The following ADCY2 variants were observed in gnomAD, a reference collection of about 807,000 sequenced individuals.
ADCY2 encodes adenylate cyclase type 2.
In ADCY2, 31 loss-of-function variants were observed where a neutral mutation model predicts 125.2. That is an observed-to-expected ratio of 0.25 (90% CI 0.19 to 0.33). ADCY2 has a LOEUF of 0.33. Ranked by LOEUF, ADCY2 falls within the 10% of genes least tolerant of loss-of-function variation. ADCY2 has a pLI of 1.00. For synonymous variants in ADCY2, 512 were observed against 548.4 expected (o/e 0.93, Z 0.93); for missense variants, 904 against 1,418.2 (o/e 0.64, Z 5.82).
intron 1 of ADCY2, among the ~76,000 whole-genome samples, chr5:7,405,054 A>G (rs1481240190): frequency 6.6e-6 from 1 of 152,178 alleles, no homozygotes; most frequent in Non-Finnish European, 1.5e-5. Flanking sequence ...GAATTCTGCC[A>G]TACTGTATTG....
At chr5:7,523,484 C>T (rs1287256541) in intron 3 of ADCY2, among the ~76,000 whole-genome samples, 1 of 152,110 alleles carries the variant, frequency 6.6e-6, no homozygotes, top group African/African-American at 2.4e-5. Flanking sequence ...TATAAAGGAA[C>T]AACACCCAAA....
At chr5:7,782,591 T>C (rs1480651449) in intron 18 of ADCY2, among the ~76,000 whole-genome samples, 2 of 152,190 alleles carry the variant, frequency 1.3e-5, no homozygotes, top group African/African-American at 2.4e-5. Flanking sequence ...ATGAGGGTGG[T>C]GGGTAGAAGA....
chr5:7,657,574 A>G (rs1739381549), intron 4 of ADCY2, among the ~76,000 whole-genome samples: 1 of 152,204 alleles, frequency 6.6e-6, no homozygotes, highest in Non-Finnish European at 1.5e-5. Context: ...TGCCATGCAC[A>G]CATGTGTACA....
intron 2 of ADCY2, among the ~76,000 whole-genome samples, chr5:7,429,147 G>C (rs1336898553): frequency 6.6e-6 from 1 of 152,124 alleles, no homozygotes; most frequent in Admixed American, 6.5e-5. Context: ...GAAAGAGCAG[G>C]TGAAATAATT....
chr5:7,487,259 T>G (rs1226473707), intron 2 of ADCY2, among the ~76,000 whole-genome samples: 1 of 152,168 alleles, frequency 6.6e-6, no homozygotes, highest in African/African-American at 2.4e-5. Flanking sequence ...TCCCAGTGCC[T>G]GCTTGTCATG....
intron 2 of ADCY2, among the ~76,000 whole-genome samples, chr5:7,446,370 T>C (rs1385259234): frequency 6.6e-6 from 1 of 152,194 alleles, no homozygotes; most frequent in East Asian, 1.9e-4. Flanking sequence ...TCATGATGTG[T>C]GATATCAAAT....
intron 4 of ADCY2, among the ~76,000 whole-genome samples, chr5:7,639,308 C>T (rs552434774): frequency 5.3e-5 from 8 of 152,186 alleles, no homozygotes; most frequent in South Asian, 2.1e-4. Flanking sequence ...CTTGCTCTCT[C>T]GCTGAGCAAC....
intron 3 of ADCY2, among the ~76,000 whole-genome samples, chr5:7,543,780 G>A (rs1194429916): frequency 6.6e-6 from 1 of 151,992 alleles, no homozygotes; most frequent in Non-Finnish European, 1.5e-5. Context: ...TTGGGAGGCC[G>A]AGGTGGGCGG....
intron 1 of ADCY2, among the ~76,000 whole-genome samples, chr5:7,400,722 T>C (rs1464591091): frequency 6.6e-6 from 1 of 152,208 alleles, no homozygotes; most frequent in African/African-American, 2.4e-5. Context: ...GCAGTAAAGG[T>C]AACTAAAGAT....
chr5:7,763,266 AT>A (rs1236009707), intron 16 of ADCY2, among the ~76,000 whole-genome samples: 6 of 150,008 alleles, frequency 4.0e-5, no homozygotes, highest in Non-Finnish European at 5.9e-5. Flanking sequence ...AATTTTTTGT[AT>A]TTTTTAGTAG....
chr5:7,798,183 G>GAAATAGCCCAAAAC (rs1744484305), intron 20 of ADCY2: 1 of 28,788 alleles, frequency 3.5e-5, no homozygotes, highest in Non-Finnish European at 9.3e-5. Flanking sequence ...CACAGAGAAA[G>GAAATAGCCCAAAAC]CCCGGACCTG....
At chr5:7,438,472 G>A (rs1334401445) in intron 2 of ADCY2, among the ~76,000 whole-genome samples, 1 of 152,204 alleles carries the variant, frequency 6.6e-6, no homozygotes, top group African/African-American at 2.4e-5. Flanking sequence ...GCAGTGCTGG[G>A]CTAGCAGAGA....
At chr5:7,804,040 A>AGAGAGAGAGAGAGAGAGAGAG (rs1744682437) in intron 21 of ADCY2, among the ~76,000 whole-genome samples, 2 of 106,614 alleles carry the variant, frequency 1.9e-5, no homozygotes, top group African/African-American at 3.7e-5. Flanking sequence ...GGAGGGGGGA[A>AGAGAGAGAGAGAGAGAGAGAG]AGAGAGAGAG....
chr5:7,483,826 G>A (rs1254260335), intron 2 of ADCY2, among the ~76,000 whole-genome samples: 1 of 152,128 alleles, frequency 6.6e-6, no homozygotes, highest in African/African-American at 2.4e-5. Context: ...CACAAAATGC[G>A]ATTCAGTTGT....
At chr5:7,500,205 T>C (rs1743511121) in intron 2 of ADCY2, among the ~76,000 whole-genome samples, 1 of 152,180 alleles carries the variant, frequency 6.6e-6, no homozygotes. Flanking sequence ...CACCATTGGG[T>C]TATAATCATG....
At position 7,802,503 on chromosome 5, in the gene ADCY2, T is replaced by G; in HGVS notation, c.2775+139T>G. ...ATTTCTGGCAGATGGCATTAAAGCC[T>G]TTTGCTTTATTTAGGTCTCTGACTA... On this transcript the variant is annotated intron_variant, in intron 21 of 24. Coordinates refer to ENST00000338316, the MANE Select transcript of ADCY2 (RefSeq NM_020546.3). The surrounding 1 kb of genome is among the most constrained non-coding windows in gnomAD (Gnocchi z 4.6). 2.2e-6 allele frequency: 2 copies of G among 913,076 alleles called. No homozygotes were observed. The highest frequency in any genetic ancestry group is 5.1e-4 in the Middle Eastern group (2 of 3,942). The allele number at this position is 913,076 out of a possible 1,614,324, so 56.6% of individuals were successfully genotyped here.
intron 3 of ADCY2, among the ~76,000 whole-genome samples, chr5:7,575,761 T>A (rs1736226459): frequency 6.6e-6 from 1 of 152,148 alleles, no homozygotes; most frequent in South Asian, 2.1e-4. Flanking sequence ...TATTCAAATA[T>A]GTACCATCAA....
chr5:7,582,463 G>A (rs1398881735), intron 3 of ADCY2, among the ~76,000 whole-genome samples: 1 of 151,884 alleles, frequency 6.6e-6, no homozygotes, highest in East Asian at 1.9e-4. Flanking sequence ...AACAAAGATC[G>A]TAGAAAAGAA....
At chr5:7,767,013 C>G (rs1356761149) in intron 17 of ADCY2, among the ~76,000 whole-genome samples, 1 of 152,196 alleles carries the variant, frequency 6.6e-6, no homozygotes, top group Non-Finnish European at 1.5e-5. Context: ...TGAAAACTTA[C>G]AATGTTATTG....
Sources: allele counts gnomAD v4.1 joint callset (sites outside exome capture counted in the v4.1 genomes callset), GRCh38; gene constraint gnomAD v4.1.1; non-coding constraint Gnocchi (gnomAD v3.1); transcripts MANE v1.5; gene names NCBI Gene and HGNC (gene_info 2026-07-23, HGNC 2026-07-21).